Variants in JAG1 observed in about 807,000 individuals in gnomAD.
The protein encoded by JAG1 is protein jagged-1.
JAG1 carries 23 observed loss-of-function variants against 148.7 expected under a neutral mutation model. The observed-to-expected ratio is 0.15, with a 90% CI of 0.11 to 0.22. The LOEUF (loss-of-function observed/expected upper bound fraction) is 0.22. Among genes scored for constraint, JAG1 ranks in the 10% least tolerant of loss-of-function variants. The pLI is 1.00. For missense variants in JAG1, 1,054 were observed against 1,611.2 expected (o/e 0.65, Z 5.92); for synonymous variants, 572 against 598.3 (o/e 0.96, Z 0.64).
Position 10,672,693 on chromosome 20 carries a change from T to TC in JAG1, c.387+7dup. The TC allele has an allele frequency of 6.2e-7, 1 of 1,612,148 alleles. No individual in the cohort carries two copies. The highest frequency in any genetic ancestry group is 1.3e-5 in the African/African-American group (1 of 75,034). Reference sequence around the variant, plus strand: ...TCCGCCCGGCCTCCTTCCCGAGTAGTCACTCACCGGCCAGGCGAAACTGAA... The same window carrying TC: ...TCCGCCCGGCCTCCTTCCCGAGTAGTCCACTCACCGGCCAGGCGAAACTGAA... On this transcript the variant is annotated splice_region_variant and intron_variant, in intron 2 of 25. Transcript: ENST00000254958.
In JAG1 at chr20:10,650,304, C is replaced by G. The variant is rs1330216708; in HGVS notation, c.1177G>C (p.Val393Leu). Residue 393 changes from valine to leucine, a missense_variant, in exon 9 of 26, where the codon GTT becomes CTT. This residue lies in a region of JAG1 where 245 missense variants were observed against 373.1 expected (regional missense o/e 0.66). Transcript: ENST00000254958. ...GGGCACACACACTTAAATCCGTTAA[C>G]CAGGTCCTGGCAGGTGCCCCCGTGG... is the stretch of plus-strand genomic sequence containing the variant. The part of the protein sequence containing the change: ...CSHGGTCQDL[V>L]NGFKCVCPPQ... 1.2e-6 allele frequency: 2 copies of G among 1,614,142 alleles called. No individual in the cohort carries two copies. Among genetic ancestry groups the G allele is most frequent in the East Asian group, 4.5e-5 (2 of 44,886 alleles).
At position 10,658,716 on chromosome 20, in the gene JAG1, T is replaced by G; in HGVS notation, c.446A>C (p.Asp149Ala). ...GTGAGAAGCCTTTTCAATAATACTGTCAGGTTCTAGAGACAAAGTGATGAA... is the reference window on the plus strand; with the variant it reads ...GTGAGAAGCCTTTTCAATAATACTGGCAGGTTCTAGAGACAAAGTGATGAA... Reference protein sequence around the residue: ...WDSSNDTVQPDSIIEKASHSG... With the variant: ...WDSSNDTVQPASIIEKASHSG... The change falls in exon 4 of 26, where the codon GAC becomes GCC. Residue 149 changes from aspartate (D) to alanine (A), a missense_variant. By Grantham distance (126) the Asp-to-Ala change is moderately radical (BLOSUM62 -2). Transcript: ENST00000254958. 1.9e-6 allele frequency: 3 copies of G among 1,614,186 alleles called. No individual in the cohort carries two copies. The highest frequency in any genetic ancestry group is 2.5e-6 in the Non-Finnish European group (3 of 1,179,992).
chr20:10,664,508 G>T (rs947625858), intron 2 of JAG1, among the ~76,000 whole-genome samples: 1 of 152,078 alleles, frequency 6.6e-6, no homozygotes, highest in Non-Finnish European at 1.5e-5. Context: ...CTCTAGGGAG[G>T]CCCCCTTTTC....
In JAG1 at chr20:10,639,317, C is replaced by T. The variant is rs1249091221; in HGVS notation, c.*181G>A. On this transcript the variant is annotated 3_prime_UTR_variant, in exon 26 of 26. Coordinates refer to ENST00000254958, the MANE Select transcript of JAG1 (RefSeq NM_000214.3). Reference sequence around the variant, plus strand: ...TAGCTTTTTGCATAGCTGTGAGATGCGGCACTCGATTTCCCAGCCAACCAC... The same window carrying T: ...TAGCTTTTTGCATAGCTGTGAGATGTGGCACTCGATTTCCCAGCCAACCAC... 1.4e-5 allele frequency: 10 copies of T among 694,338 alleles called. No homozygotes were observed. The highest frequency in any genetic ancestry group is 3.5e-5 in the African/African-American group (2 of 57,074). 43.0% of individuals were successfully genotyped at this position (694,338 alleles called of 1,614,324 possible).
At chr20:10,644,653 G>T (rs896300953) in intron 18 of JAG1, 32 of 642,178 alleles carry the variant, frequency 5.0e-5, no homozygotes, top group South Asian at 2.0e-4. Flanking sequence ...CCAGAGCTGG[G>T]AACTGAGACG....
chr20:10,644,570 G>T, intron 18 of JAG1, 186 bp from the exon 19 acceptor site: 1 of 677,036 alleles, frequency 1.5e-6, no homozygotes, highest in South Asian at 1.7e-5. Context: ...TGGGACACAT[G>T]TACACAGGAA....
chr20:10,667,956 G>A (rs527543159), intron 2 of JAG1, among the ~76,000 whole-genome samples: 16 of 152,238 alleles, frequency 1.1e-4, no homozygotes, highest in African/African-American at 3.9e-4. Context: ...TACCAAAAGT[G>A]CATAAAAACT....
In JAG1 at chr20:10,645,926, C is replaced by T; in HGVS notation, c.1999+45G>A. The T allele has an allele frequency of 7.6e-7, 1 of 1,313,930 alleles. No individual in the cohort carries two copies. The highest frequency in any genetic ancestry group is 1.1e-6 in the Non-Finnish European group (1 of 906,026). 81.4% of individuals were successfully genotyped at this position (1,313,930 alleles called of 1,614,324 possible). On this transcript the variant is annotated intron_variant, in intron 15 of 25. Coordinates refer to ENST00000254958, the MANE Select transcript of JAG1 (RefSeq NM_000214.3). This position sits in a 1 kb window ranked among gnomAD's most constrained non-coding sequence, Gnocchi z 6.1. ...CCACGTTGAAGTGGGATCCCTCCAA[C>T]ATGACCCATACATCCCAGAGCTCCC...
intron 5 of JAG1, among the ~76,000 whole-genome samples, chr20:10,653,276 G>T (rs1227239020): frequency 7.2e-6 from 1 of 139,010 alleles, no homozygotes; most frequent in East Asian, 2.1e-4. Context: ...GCCAAGAAAA[G>T]AAAAAAAAAA....
chr20:10,647,973 C>T lies in JAG1; in HGVS notation c.1707G>A (p.Thr569=), dbSNP rs745608068. 2.1e-5 allele frequency: 34 copies of T among 1,613,992 alleles called. No individual in the cohort carries two copies. The highest frequency in any genetic ancestry group is 4.0e-5 in the African/African-American group (3 of 74,912). Residue 569 remains threonine, a synonymous_variant, in exon 13 of 26, where the codon ACG becomes ACA. Coordinates refer to ENST00000254958, the MANE Select transcript of JAG1 (RefSeq NM_000214.3). ...GAAGGGAGGTACCTTCACAGGGGGT[C>T]GTGCGGCAGTGGTCTTTCAGGTGTG... is the stretch of plus-strand genomic sequence containing the variant. ...NCSHLKDHCR[T]TPCEVIDSCT...
rs1204120569 is a variant in JAG1, at chr20:10,673,038, G to A, written c.82-32C>T. 1.4e-5 allele frequency: 22 copies of A among 1,597,550 alleles called. No homozygotes were observed. The highest frequency in any genetic ancestry group is 1.9e-5 in the Non-Finnish European group (22 of 1,176,704). On this transcript the variant is annotated intron_variant, in intron 1 of 25. Transcript: ENST00000254958. The surrounding 1 kb of genome is among the most constrained non-coding windows in gnomAD (Gnocchi z 4.7). The stretch of plus-strand genomic sequence containing the variant: ...GCGAGGGAAGGAGGTAGGTCAGCGC[G>A]GGAGAAAGCTGTTTTCTTCGAGTAT...
intron 2 of JAG1, among the ~76,000 whole-genome samples, chr20:10,669,479 G>A (rs775244401): frequency 8.8e-5 from 12 of 136,356 alleles, no homozygotes; most frequent in Non-Finnish European, 1.7e-4. Context: ...GGTCATTCAG[G>A]CCTGAAGCAT....
chr20:10,640,937 GA>G lies in JAG1; in HGVS notation c.3049-5del. On this transcript the variant is annotated splice_polypyrimidine_tract_variant and splice_region_variant and intron_variant, in intron 24 of 25. Coordinates refer to ENST00000254958, the MANE Select transcript of JAG1 (RefSeq NM_000214.3). ...CATCCCGTATATCTTCAGCAGACTG[GA>G]AAAACAATTGTCAGACTTGAGAGTC... 6.2e-7 allele frequency: 1 copy of G among 1,614,104 alleles called. No homozygotes were observed. Among genetic ancestry groups the G allele is most frequent in the South Asian group, 1.1e-5 (1 of 91,074 alleles).
At chr20:10,663,426 A>G (rs11907050) in intron 3 of JAG1, among the ~76,000 whole-genome samples, 18,635 of 152,254 alleles carry the variant, frequency 0.12, 1,580 homozygotes, top group African/African-American at 0.24. Flanking sequence ...TCTTTCAGAA[A>G]GGGACAAGGC....
intron 3 of JAG1, 56 bp downstream of exon 3, chr20:10,663,907 C>T (rs964796513): frequency 2.8e-6 from 4 of 1,450,624 alleles, no homozygotes; most frequent in Non-Finnish European, 3.9e-6. Flanking sequence ...AACTGGTTGG[C>T]CAAGCCCCAC....
At chr20:10,649,697 A>T (rs757633543) in intron 9 of JAG1, 62 bp from the exon 10 acceptor site, 4 of 918,924 alleles carry the variant, frequency 4.4e-6, no homozygotes, top group Non-Finnish European at 7.1e-6. Context: ...CCCACCTTGG[A>T]AAAAAAAAGA....
intron 2 of JAG1, among the ~76,000 whole-genome samples, chr20:10,664,481 G>A (rs2067439575): frequency 6.6e-6 from 1 of 151,480 alleles, no homozygotes; most frequent in African/African-American, 2.4e-5. Flanking sequence ...TTACACTTTG[G>A]GCCCTGGTGA....
chr20:10,646,586 G>A (rs960945518), intron 14 of JAG1, among the ~76,000 whole-genome samples: 2 of 151,858 alleles, frequency 1.3e-5, no homozygotes, highest in Admixed American at 1.3e-4. Context: ...GGGTCGGGGG[G>A]TGGATCATCT....
rs2122623429 is a variant in JAG1, at chr20:10,658,459, C to T, written c.694+9G>A. ...AGGCACACGTGCACATGCACACACA[C>T]ACACATACCTCTGTTACATTCGGGG... On this transcript the variant is annotated intron_variant, in intron 4 of 25. Transcript: ENST00000254958. The T allele has an allele frequency of 2.5e-6, 4 of 1,613,720 alleles. No homozygotes were observed. Among genetic ancestry groups the T allele is most frequent in the Non-Finnish European group, 3.4e-6 (4 of 1,180,046 alleles).
Sources: allele counts gnomAD v4.1 joint callset (sites outside exome capture counted in the v4.1 genomes callset), GRCh38; gene constraint gnomAD v4.1.1; regional missense constraint gnomAD v4.1.1; non-coding constraint Gnocchi (gnomAD v3.1); transcripts MANE v1.5; gene names NCBI Gene and HGNC (gene_info 2026-07-23, HGNC 2026-07-21).